PTPRG: variants seen among roughly 807,000 people sequenced by gnomAD.
PTPRG encodes the protein protein tyrosine phosphatase receptor type G.
In PTPRG, 102 loss-of-function variants were observed where a neutral mutation model predicts 165.3. The observed-to-expected ratio is 0.62, with a 90% CI of 0.53 to 0.73. The LOEUF is 0.73. Among genes scored for constraint, PTPRG ranks in the 30% least tolerant of loss-of-function variants. The pLI is 0.00. For missense variants in PTPRG, 1,866 were observed against 1,861.4 expected (o/e 1.00, Z -0.05); for synonymous variants, 675 against 669.5 (o/e 1.01, Z -0.13).
At chr3:62,098,145 G>A (rs1169685639) in intron 5 of PTPRG, among the ~76,000 whole-genome samples, 4 of 151,896 alleles carry the variant, frequency 2.6e-5, no homozygotes, top group Non-Finnish European at 5.9e-5. Flanking sequence ...TTTATCAAGT[G>A]CCTTTACCTA....
intron 5 of PTPRG, among the ~76,000 whole-genome samples, chr3:62,099,126 C>T (rs753023823): frequency 5.9e-5 from 9 of 152,166 alleles, no homozygotes; most frequent in Non-Finnish European, 1.3e-4. Context: ...TCACCACTGG[C>T]ACTAAAAGTG....
At chr3:62,180,528 A>G (rs945934815) in intron 8 of PTPRG, among the ~76,000 whole-genome samples, 1 of 152,206 alleles carries the variant, frequency 6.6e-6, no homozygotes, top group South Asian at 2.1e-4. Context: ...TGCTGTGCTC[A>G]ATTAAAGTGG....
chr3:61,593,416 A>C (rs911852157), intron 1 of PTPRG, among the ~76,000 whole-genome samples: 176 of 102,550 alleles, frequency 1.7e-3, no homozygotes, highest in African/African-American at 6.0e-3. Flanking sequence ...AAAAAAAAAA[A>C]CCAACCACAA....
At chr3:61,972,259 T>C (rs1205446873) in intron 2 of PTPRG, among the ~76,000 whole-genome samples, 1 of 152,208 alleles carries the variant, frequency 6.6e-6, no homozygotes, top group Non-Finnish European at 1.5e-5. Flanking sequence ...GGTGGCCTGT[T>C]TGGCTTCTGT....
At chr3:62,095,863 T>A (rs940967397) in intron 5 of PTPRG, among the ~76,000 whole-genome samples, 1 of 152,072 alleles carries the variant, frequency 6.6e-6, no homozygotes, top group African/African-American at 2.4e-5. Context: ...AGCAATAGCA[T>A]GAGCAATGGC....
At chr3:61,840,120 A>G (rs1198597767) in intron 2 of PTPRG, among the ~76,000 whole-genome samples, 1 of 152,240 alleles carries the variant, frequency 6.6e-6, no homozygotes, top group African/African-American at 2.4e-5. Context: ...ATATTATATC[A>G]TAAACATTTC....
At chr3:61,956,505 T>C (rs1192060203) in intron 2 of PTPRG, among the ~76,000 whole-genome samples, 1 of 152,156 alleles carries the variant, frequency 6.6e-6, no homozygotes, top group Non-Finnish European at 1.5e-5. Flanking sequence ...GTTTGGTTAG[T>C]TTAAAGAGAT....
chr3:61,815,336 G>A (rs2035724741), intron 2 of PTPRG, among the ~76,000 whole-genome samples: 1 of 152,092 alleles, frequency 6.6e-6, no homozygotes, highest in Admixed American at 6.5e-5. Context: ...CTTCAGCCTG[G>A]GAGGTGGAGG....
At chr3:62,207,608 A>AT (rs1367715866) in intron 12 of PTPRG, among the ~76,000 whole-genome samples, 1 of 152,214 alleles carries the variant, frequency 6.6e-6, no homozygotes, top group South Asian at 2.1e-4. Flanking sequence ...ACTTTAATCA[A>AT]TACCTGGTCT....
chr3:61,608,389 C>T (rs1701072337), intron 1 of PTPRG, among the ~76,000 whole-genome samples: 1 of 152,176 alleles, frequency 6.6e-6, no homozygotes, highest in African/African-American at 2.4e-5. Flanking sequence ...TATGTGATCT[C>T]ACCACGTGTG....
chr3:61,980,875 T>C (rs1288978302), intron 2 of PTPRG, among the ~76,000 whole-genome samples: 1 of 152,190 alleles, frequency 6.6e-6, no homozygotes, highest in Non-Finnish European at 1.5e-5. Flanking sequence ...TCCTTCTTCA[T>C]TCACATTCAA....
At chr3:62,018,906 G>A (rs950399881) in intron 4 of PTPRG, among the ~76,000 whole-genome samples, 8 of 152,166 alleles carry the variant, frequency 5.3e-5, no homozygotes, top group Non-Finnish European at 7.4e-5. Context: ...CAGTGCTAGA[G>A]GAAATGATTG....
At chr3:62,092,745 AT>A (rs910641151) in intron 5 of PTPRG, among the ~76,000 whole-genome samples, 5 of 152,196 alleles carry the variant, frequency 3.3e-5, no homozygotes, top group African/African-American at 1.2e-4. Flanking sequence ...TACGGGTAAA[AT>A]CAACAGGTGA....
At chr3:62,218,787 C>T in intron 12 of PTPRG, 64 bp from the exon 13 acceptor site, 1 of 1,541,932 alleles carries the variant, frequency 6.5e-7, no homozygotes, top group African/African-American at 1.4e-5. Context: ...CAGAACTCTG[C>T]ATCAATTCTG....
intron 8 of PTPRG, among the ~76,000 whole-genome samples, chr3:62,173,964 G>A (rs1409548495): frequency 2.0e-5 from 3 of 152,176 alleles, no homozygotes; most frequent in African/African-American, 7.2e-5. Context: ...CTATATGGAT[G>A]TCATCCATAA....
At chr3:61,966,613 T>C (rs2040277489) in intron 2 of PTPRG, among the ~76,000 whole-genome samples, 1 of 152,190 alleles carries the variant, frequency 6.6e-6, no homozygotes, top group African/African-American at 2.4e-5. Flanking sequence ...TGACTTAGTT[T>C]TCATTCATTC....
At chr3:61,919,817 G>A (rs1046270123) in intron 2 of PTPRG, among the ~76,000 whole-genome samples, 1 of 152,120 alleles carries the variant, frequency 6.6e-6, no homozygotes, top group Non-Finnish European at 1.5e-5. Context: ...CTTGTTACAT[G>A]TGCCTTCCCT....
rs562542668 is a variant in PTPRG at position 62,279,667 on chromosome 3, A to T, written c.3766-1896A>T. On this transcript the variant is annotated intron_variant, in intron 26 of 29. Coordinates refer to ENST00000474889, the MANE Select transcript of PTPRG (RefSeq NM_002841.4). The stretch of plus-strand genomic sequence containing the variant: ...GTTACAGACTTCTTTTGTATAGACT[A>T]AACCCAGTTGCTAATCTGTTTCCCC... 3.3e-5 allele frequency among the ~76,000 whole-genome samples: 5 copies of T among 152,222 alleles called. No homozygotes were observed. In the East Asian group the frequency reaches 7.7e-4, roughly 23 times the overall value.
chr3:61,865,612 T>TCTTGC (rs2037383828), intron 2 of PTPRG, among the ~76,000 whole-genome samples: 1 of 152,216 alleles, frequency 6.6e-6, no homozygotes, highest in Non-Finnish European at 1.5e-5. Context: ...AATCATTCTT[T>TCTTGC]CTTGGCCTTG....
Sources: allele counts gnomAD v4.1 joint callset (sites outside exome capture counted in the v4.1 genomes callset), GRCh38; gene constraint gnomAD v4.1.1; transcripts MANE v1.5; gene names NCBI Gene and HGNC (gene_info 2026-07-23, HGNC 2026-07-21).